The following MICU1 variants were observed in gnomAD, a reference collection of about 807,000 sequenced individuals.
MICU1 encodes calcium uptake protein 1, mitochondrial.
MICU1 carries 45 observed loss-of-function variants against 56.8 expected under a neutral mutation model. The observed-to-expected ratio is 0.79, with a 90% CI of 0.62 to 1.02. The LOEUF is 1.02. Ranked by LOEUF, MICU1 falls within the 50% of genes least tolerant of loss-of-function variation. The pLI, the probability that MICU1 is intolerant of heterozygous loss-of-function variation, is 0.00. For synonymous variants in MICU1, 186 were observed against 195.1 expected (o/e 0.95, Z 0.39); for missense variants, 504 against 587.1 (o/e 0.86, Z 1.46).
At chr10:72,574,157 C>T (rs1840684656) in intron 1 of MICU1, among the ~76,000 whole-genome samples, 1 of 152,196 alleles carries the variant, frequency 6.6e-6, no homozygotes, top group South Asian at 2.1e-4. Context: ...TTGAAAGCAG[C>T]ACCTGCTAAC....
intron 1 of MICU1, among the ~76,000 whole-genome samples, chr10:72,601,270 A>G (rs955731469): frequency 6.6e-6 from 1 of 152,030 alleles, no homozygotes; most frequent in Non-Finnish European, 1.5e-5. Flanking sequence ...AAAACTAAAA[A>G]TAAATTAGCC....
At chr10:72,478,642 C>T (rs1201466585) in intron 6 of MICU1, among the ~76,000 whole-genome samples, 2 of 152,190 alleles carry the variant, frequency 1.3e-5, no homozygotes. Flanking sequence ...TCCCATCCTG[C>T]TCATGAATTT....
chr10:72,479,388 A>G (rs966913013), intron 6 of MICU1, among the ~76,000 whole-genome samples: 2 of 152,254 alleles, frequency 1.3e-5, no homozygotes, highest in South Asian at 2.1e-4. Context: ...AGTCTCTGCA[A>G]AAGCTGAACA....
In MICU1 at chr10:72,475,100, C is replaced by A; in HGVS notation, c.933G>T (p.Glu311Asp). 6.2e-7 allele frequency: 1 copy of A among 1,606,780 alleles called. No individual in the cohort carries two copies. Among genetic ancestry groups the A allele is most frequent in the South Asian group, 1.1e-5 (1 of 89,528 alleles). The change falls in exon 8 of 12, where the codon GAG becomes GAT. Residue 311 changes from glutamate (E) to aspartate (D), a missense_variant and splice_region_variant. Coordinates refer to ENST00000361114, the MANE Select transcript of MICU1 (RefSeq NM_001195518.2). ...RKLQHDVLKL[E>D]FERHDPVDGR... is the part of the protein sequence containing the mutation. ...TCTACTGAGTCTAAGGAAGACCTACCTCAAGCTTCAGAACATCATGCTGCA... is the reference window on the plus strand; with the variant it reads ...TCTACTGAGTCTAAGGAAGACCTACATCAAGCTTCAGAACATCATGCTGCA...
chr10:72,560,063 G>T (rs111277550), intron 3 of MICU1, among the ~76,000 whole-genome samples: 5,588 of 152,248 alleles, frequency 0.037, 355 homozygotes, highest in African/African-American at 0.13. Flanking sequence ...GTGCCAAAAA[G>T]GTTGGGGACT....
At chr10:72,458,809 C>T (rs1248268517) in intron 8 of MICU1, among the ~76,000 whole-genome samples, 3 of 150,920 alleles carry the variant, frequency 2.0e-5, no homozygotes, top group South Asian at 4.2e-4. Flanking sequence ...CTCCCGGACT[C>T]AATTGATCCA....
chr10:72,489,282 A>T (rs1204381743), intron 6 of MICU1, among the ~76,000 whole-genome samples: 1 of 27,820 alleles, frequency 3.6e-5, no homozygotes, highest in Non-Finnish European at 1.4e-4. Context: ...TGACAGAGCG[A>T]GACTCTGTCA....
At chr10:72,586,828 A>C (rs918812784) in intron 1 of MICU1, among the ~76,000 whole-genome samples, 1 of 152,212 alleles carries the variant, frequency 6.6e-6, no homozygotes, top group African/African-American at 2.4e-5. Context: ...TAAAGACAAC[A>C]GGTGTAGTTG....
rs541848620 is a variant in MICU1 at position 72,398,704 on chromosome 10, A to G, written c.1180+9225T>C. 2.6e-5 allele frequency among the ~76,000 whole-genome samples: 4 copies of G among 152,324 alleles called. No homozygotes were observed. In the East Asian group the frequency reaches 7.7e-4, roughly 29 times the overall value. On this transcript the variant is annotated intron_variant, in intron 10 of 11. Transcript: ENST00000361114. Reference sequence around the variant, plus strand: ...CTAGAAAATCTAGAAGAAATGGATAAATTCCTGGACACATACACCCTCCCA... The same window carrying G: ...CTAGAAAATCTAGAAGAAATGGATAGATTCCTGGACACATACACCCTCCCA...
chr10:72,562,852 T>A, intron 3 of MICU1, 43 bp downstream of exon 3: 1 of 1,455,920 alleles, frequency 6.9e-7, no homozygotes, highest in Non-Finnish European at 9.1e-7. Context: ...TTATTCTACT[T>A]TAAGATATAC....
intron 1 of MICU1, among the ~76,000 whole-genome samples, chr10:72,598,380 C>T (rs1841433735): frequency 1.3e-5 from 2 of 151,934 alleles, no homozygotes; most frequent in African/African-American, 4.8e-5. Context: ...CTCAGCCTCC[C>T]AAGTAGCTGA....
intron 8 of MICU1, among the ~76,000 whole-genome samples, chr10:72,427,787 A>G (rs1864398323): frequency 6.7e-6 from 1 of 149,782 alleles, no homozygotes; most frequent in Non-Finnish European, 1.5e-5. Context: ...AAATTTCTTG[A>G]TAGGCTTCTG....
At chr10:72,400,425 A>G (rs1279776350) in intron 10 of MICU1, among the ~76,000 whole-genome samples, 1 of 152,136 alleles carries the variant, frequency 6.6e-6, no homozygotes, top group Non-Finnish European at 1.5e-5. Context: ...AAAAATAAAG[A>G]GGAACTTATT....
chr10:72,613,974 G>C (rs567872030), intron 1 of MICU1, among the ~76,000 whole-genome samples: 3 of 152,126 alleles, frequency 2.0e-5, no homozygotes, highest in Non-Finnish European at 4.4e-5. Context: ...GCGAAACCCC[G>C]TCTCAATTAA....
chr10:72,577,695 A>G (rs888995103), intron 1 of MICU1, among the ~76,000 whole-genome samples: 29 of 152,096 alleles, frequency 1.9e-4, no homozygotes, highest in Admixed American at 4.6e-4. Context: ...AGCGTCAAAA[A>G]AATTGTTTTT....
At chr10:72,521,034 GA>G (rs1867803740) in intron 5 of MICU1, among the ~76,000 whole-genome samples, 1 of 152,064 alleles carries the variant, frequency 6.6e-6, no homozygotes, top group South Asian at 2.1e-4. Flanking sequence ...ATGCTAAAAA[GA>G]AAGTCCTGAG....
rs370183046 is a variant in MICU1, at chr10:72,544,328, C to T, written c.493+6851G>A. Among the ~76,000 whole-genome samples the T allele has an allele frequency of 4.5e-3, 683 of 152,216 alleles. 6 individuals are homozygous for T. The highest frequency in any genetic ancestry group is 0.014 in the Middle Eastern group (4 of 294). On this transcript the variant is annotated intron_variant, in intron 4 of 11. Coordinates refer to ENST00000361114, the MANE Select transcript of MICU1 (RefSeq NM_001195518.2). Reference sequence around the variant, plus strand: ...GAATAAAGCTCTTCCTTCTTTAACCCGGTGTCTGAGGGGTTTTGTCTGCGG... The same window carrying T: ...GAATAAAGCTCTTCCTTCTTTAACCTGGTGTCTGAGGGGTTTTGTCTGCGG...
intron 5 of MICU1, among the ~76,000 whole-genome samples, chr10:72,523,299 T>C (rs11815614): frequency 0.59 from 89,590 of 151,988 alleles, 27,664 homozygotes; most frequent in Non-Finnish European, 0.67. Flanking sequence ...ATCTGATCTA[T>C]TCGGTACTCT....
At chr10:72,471,593 A>T (rs954894836) in intron 8 of MICU1, among the ~76,000 whole-genome samples, 26 of 143,846 alleles carry the variant, frequency 1.8e-4, no homozygotes, top group African/African-American at 3.0e-4. Flanking sequence ...TGTTTTTTTT[A>T]AATTTCTTTG....
Sources: allele counts gnomAD v4.1 joint callset (sites outside exome capture counted in the v4.1 genomes callset), GRCh38; gene constraint gnomAD v4.1.1; transcripts MANE v1.5; gene names NCBI Gene and HGNC (gene_info 2026-07-23, HGNC 2026-07-21).